The following VWA3A variants were observed in gnomAD, a reference collection of about 807,000 sequenced individuals.
VWA3A encodes von Willebrand factor A domain-containing protein 3A.
Under a neutral mutation model 160.4 loss-of-function variants are expected in VWA3A, and 134 were observed. The observed-to-expected ratio is 0.84, with a 90% CI of 0.73 to 0.96. The LOEUF (loss-of-function observed/expected upper bound fraction) is 0.96, where lower values mean the gene tolerates loss of function less well. Among genes scored for constraint, VWA3A ranks in the 40% least tolerant of loss-of-function variants. The pLI is 0.00. For synonymous variants in VWA3A, 476 were observed against 543.4 expected (o/e 0.88, Z 1.72); for missense variants, 1,310 against 1,447.9 (o/e 0.90, Z 1.55).
chr16:22,150,587 A>G, intron 29 of VWA3A, 108 bp from the exon 30 acceptor site: 1 of 1,278,448 alleles, frequency 7.8e-7, no homozygotes, highest in Non-Finnish European at 1.1e-6. Flanking sequence ...GCATCCAATC[A>G]GATGCATTTT....
chr16:22,110,887 GA>G lies in VWA3A; in HGVS notation c.583del (p.Ser195AlafsTer7). 1 of 1,603,248 alleles carries G rather than the reference GA, an allele frequency of 6.2e-7. No individual in the cohort carries two copies. Among genetic ancestry groups the G allele is most frequent in the Non-Finnish European group, 8.5e-7 (1 of 1,175,118 alleles). ...GCCAGTGATGTCCTTTTGTCCAACA[GA>G]GCCTCATCGATGAGCAGCTGAGCCA... ...QKEEFQKDLM[S>X]LIDEQLSHKE... On this transcript the variant is annotated frameshift_variant and splice_region_variant, in exon 8 of 34. Transcript: ENST00000389398. LOFTEE classifies it high-confidence loss of function.
Position 22,100,304 on chromosome 16 carries a change from G to A in VWA3A, c.336G>A (p.Gln112=). 1 of 1,551,570 alleles carries A rather than the reference G, an allele frequency of 6.4e-7. No individual in the cohort carries two copies. Among genetic ancestry groups the A allele is most frequent in the Non-Finnish European group, 8.7e-7 (1 of 1,146,976 alleles). ...TCACCTTGGCTGACCTGATAAGCCA[G>A]GGCACAGAAGTGCTGTAAGTCTGAA... The part of the protein sequence containing the change: ...QKLTLADLIS[Q]GTEVLEEGTN... Residue 112 remains glutamine (Q), a synonymous_variant, in exon 4 of 34, where the codon CAG becomes CAA. Transcript: ENST00000389398.
chr16:22,122,320 G>C (rs1012446596), intron 14 of VWA3A, among the ~76,000 whole-genome samples: 1 of 152,072 alleles, frequency 6.6e-6, no homozygotes, highest in Non-Finnish European at 1.5e-5. Context: ...TGCATGGATG[G>C]ATGGATGCAT....
intron 9 of VWA3A, chr16:22,116,342 G>GA: frequency 2.7e-6 from 1 of 370,142 alleles, no homozygotes. Context: ...GAGAGAGAAA[G>GA]AAAAAAGAAA....
At chr16:22,142,992 G>A (rs1185868709) in intron 25 of VWA3A, among the ~76,000 whole-genome samples, 1 of 151,782 alleles carries the variant, frequency 6.6e-6, no homozygotes, top group African/African-American at 2.4e-5. Context: ...TCTACTAAAA[G>A]TACAAAAATT....
In VWA3A at chr16:22,125,674, C is replaced by T. The variant is rs1340397986; in HGVS notation, c.1533-504C>T. ...TCCTGACCTTGTGATCCGCCCGCCT[C>T]GGCCTCCCAGAGTGCTGGGATTACA... is the stretch of plus-strand genomic sequence containing the variant. On this transcript the variant is annotated intron_variant, in intron 16 of 33. Transcript: ENST00000389398. Among the ~76,000 whole-genome samples, 5 of 152,158 alleles carry T rather than the reference C, an allele frequency of 3.3e-5. No homozygotes were observed. The East Asian group carries it at 9.8e-4, about 30-fold the overall frequency.
In VWA3A at chr16:22,126,204, C is replaced by A. The variant is rs769351508; in HGVS notation, c.1559C>A (p.Ala520Glu). ...KRVVVLLDIS[A>E]TNSMYIIHIQ... is the part of the protein sequence containing the mutation. Reference sequence around the variant, plus strand: ...GTGGTTGTACTGCTCGATATCTCTGCGACCAATTCCATGTACATTATTCAT... The same window carrying A: ...GTGGTTGTACTGCTCGATATCTCTGAGACCAATTCCATGTACATTATTCAT... Residue 520 changes from alanine to glutamate, a missense_variant, in exon 17 of 34, where the codon GCG becomes GAG. Coordinates refer to ENST00000389398, the MANE Select transcript of VWA3A (RefSeq NM_173615.5). The A allele has an allele frequency of 3.7e-6, 6 of 1,613,880 alleles. No homozygotes were observed. Among genetic ancestry groups the A allele is most frequent in the East Asian group, 4.5e-5 (2 of 44,886 alleles).
At chr16:22,152,363 T>A in intron 30 of VWA3A, 148 bp from the exon 31 acceptor site, 2 of 1,004,056 alleles carry the variant, frequency 2.0e-6, no homozygotes, top group South Asian at 3.4e-5. Flanking sequence ...TGTCCTCTAA[T>A]GGTGGTCTCC....
chr16:22,131,998 G>A (rs964655412), intron 19 of VWA3A, among the ~76,000 whole-genome samples: 1 of 151,852 alleles, frequency 6.6e-6, no homozygotes. Context: ...CAGGAGGCTG[G>A]GGTGGGAGGA....
At chr16:22,147,801 AAAC>A (rs1282326575) in intron 27 of VWA3A, among the ~76,000 whole-genome samples, 1 of 152,204 alleles carries the variant, frequency 6.6e-6, no homozygotes, top group Admixed American at 6.5e-5. Flanking sequence ...GTACACACCC[AAAC>A]ACCATCTAAT....
intron 1 of VWA3A, among the ~76,000 whole-genome samples, chr16:22,093,708 G>C (rs1366417116): frequency 6.6e-6 from 1 of 152,150 alleles, no homozygotes; most frequent in East Asian, 1.9e-4. Flanking sequence ...AGGCAGGTCA[G>C]TTACTGTTAT....
intron 25 of VWA3A, 54 bp from the exon 26 acceptor site, chr16:22,144,193 C>G: frequency 6.5e-7 from 1 of 1,538,988 alleles, no homozygotes; most frequent in Non-Finnish European, 8.8e-7. Context: ...GTCAGATGAT[C>G]ATTCAGTTGA....
At chr16:22,103,061 T>C (rs1430839920) in intron 5 of VWA3A, among the ~76,000 whole-genome samples, 2 of 152,196 alleles carry the variant, frequency 1.3e-5, no homozygotes, top group Admixed American at 1.3e-4. Context: ...AGTTTTGTCT[T>C]TCCTCGATTG....
chr16:22,116,502 G>C, intron 9 of VWA3A: 2 of 559,888 alleles, frequency 3.6e-6, no homozygotes, highest in Non-Finnish European at 6.4e-6. Context: ...AGGAAAGAGA[G>C]AAAAGATCAT....
chr16:22,103,444 T>G, intron 5 of VWA3A, 31 bp from the exon 6 acceptor site: 1 of 1,549,938 alleles, frequency 6.5e-7, no homozygotes, highest in Non-Finnish European at 8.7e-7. Flanking sequence ...ACGCTGGCCT[T>G]GGGTGATGAG....
At chr16:22,116,260 G>C (rs1236041265) in intron 9 of VWA3A, 2 of 399,928 alleles carry the variant, frequency 5.0e-6, no homozygotes, top group Non-Finnish European at 9.4e-6. Context: ...ATGGAAGAGA[G>C]AGAAAGAAAA....
At chr16:22,093,908 G>A (rs1278601602) in intron 1 of VWA3A, among the ~76,000 whole-genome samples, 1 of 151,652 alleles carries the variant, frequency 6.6e-6, no homozygotes, top group Non-Finnish European at 1.5e-5. Context: ...GGGACTACAG[G>A]TGCGCACTGC....
intron 21 of VWA3A, among the ~76,000 whole-genome samples, chr16:22,137,440 A>C (rs761197130): frequency 6.6e-5 from 10 of 152,128 alleles, no homozygotes; most frequent in Non-Finnish European, 1.3e-4. Flanking sequence ...TTGGAAACAG[A>C]CCCACCTGGT....
chr16:22,126,393 T>C (rs2045850977), intron 17 of VWA3A, 96 bp downstream of exon 17: 29 of 1,500,874 alleles, frequency 1.9e-5, no homozygotes, highest in Non-Finnish European at 8.9e-7. Context: ...ACGATAGATA[T>C]TGACGTCATG....
Sources: allele counts gnomAD v4.1 joint callset (sites outside exome capture counted in the v4.1 genomes callset), GRCh38; gene constraint gnomAD v4.1.1; transcripts MANE v1.5; gene names NCBI Gene and HGNC (gene_info 2026-07-23, HGNC 2026-07-21).